Variants in CAST observed in about 807,000 individuals in gnomAD.
CAST encodes calpastatin, also known as MIR583 host.
CAST carries 76 observed loss-of-function variants against 119.6 expected under a neutral mutation model. The observed-to-expected ratio is 0.64, with a 90% CI of 0.53 to 0.77. The LOEUF (loss-of-function observed/expected upper bound fraction) is 0.77, where lower values mean the gene tolerates loss of function less well. Among genes scored for constraint, CAST ranks in the 30% least tolerant of loss-of-function variants. The pLI, the probability that CAST is intolerant of heterozygous loss-of-function variation, is 0.00. For missense variants in CAST, 953 were observed against 946.5 expected (o/e 1.01, Z -0.09); for synonymous variants, 319 against 331.6 (o/e 0.96, Z 0.41).
the CAST span, among the ~76,000 whole-genome samples, chr5:96,509,634 A>C: frequency 6.6e-6 from 1 of 152,222 alleles, no homozygotes; most frequent in Admixed American, 6.5e-5. Flanking sequence ...AACAGTCTGC[A>C]TTTCAGGAGA....
the CAST span, among the ~76,000 whole-genome samples, chr5:95,995,896 A>G: frequency 1.3e-5 from 2 of 152,150 alleles, no homozygotes; most frequent in Non-Finnish European, 2.9e-5. Context: ...CAGGGTGGCG[A>G]AAAGCCTAGG....
At chr5:96,109,055 G>A in the CAST span, among the ~76,000 whole-genome samples, 2 of 152,242 alleles carry the variant, frequency 1.3e-5, no homozygotes, top group South Asian at 4.1e-4. Flanking sequence ...CGCTTTCTGA[G>A]TGAGGCAATG....
At chr5:96,660,223 C>T (rs891237591), upstream of CAST, among the ~76,000 whole-genome samples, 5 of 152,166 alleles carry the variant, frequency 3.3e-5, no homozygotes, top group African/African-American at 1.2e-4. Context: ...CACACCTCAC[C>T]AGCTAGCCAG....
chr5:96,710,152 G>A (rs1454214121), intron 3 of CAST, among the ~76,000 whole-genome samples: 1 of 152,140 alleles, frequency 6.6e-6, no homozygotes, highest in Non-Finnish European at 1.5e-5. Flanking sequence ...AGCAATATTA[G>A]CATCAAAAAT....
the CAST span, among the ~76,000 whole-genome samples, chr5:96,466,317 G>A: frequency 6.6e-6 from 1 of 152,012 alleles, no homozygotes; most frequent in African/African-American, 2.4e-5. Context: ...TATTCCATTT[G>A]GGGTTGCTTC....
intron 2 of CAST, chr5:96,675,995 A>C (rs1750661989): frequency 6.3e-6 from 1 of 158,148 alleles, no homozygotes; most frequent in African/African-American, 2.4e-5. Flanking sequence ...CAGATTAACC[A>C]GTCCTTCAGA....
chr5:96,312,611 G>A, the CAST span, among the ~76,000 whole-genome samples: 1 of 152,060 alleles, frequency 6.6e-6, no homozygotes, highest in African/African-American at 2.4e-5. Flanking sequence ...ACTACTTAGT[G>A]TTAGTAGTTT....
At chr5:96,427,132 C>G in the CAST span, among the ~76,000 whole-genome samples, 1 of 152,258 alleles carries the variant, frequency 6.6e-6, no homozygotes, top group African/African-American at 2.4e-5. Context: ...TAAAGATAGA[C>G]TGTTGCTGCA....
intron 1 of CAST, among the ~76,000 whole-genome samples, chr5:96,609,635 T>C (rs1278024906): frequency 4.6e-5 from 7 of 152,202 alleles, no homozygotes; most frequent in Non-Finnish European, 1.0e-4. Context: ...AGAAACCTCT[T>C]TGATTTTAAT....
At chr5:96,148,436 T>A in the CAST span, among the ~76,000 whole-genome samples, 1 of 152,216 alleles carries the variant, frequency 6.6e-6, no homozygotes, top group African/African-American at 2.4e-5. Context: ...ATAATTAGAA[T>A]CTTCATAAGC....
chr5:96,772,352 T>TA (rs1423569886), intron 31 of CAST: 1 of 153,184 alleles, frequency 6.5e-6, no homozygotes, highest in Admixed American at 6.6e-5. Context: ...TACAAGCACT[T>TA]ACTGACCAAA....
At chr5:96,283,852 A>T in the CAST span, among the ~76,000 whole-genome samples, 1 of 152,232 alleles carries the variant, frequency 6.6e-6, no homozygotes, top group African/African-American at 2.4e-5. Context: ...ACAAACTGTT[A>T]GTAACGGAAG....
the CAST span, among the ~76,000 whole-genome samples, chr5:96,435,460 A>C: frequency 2.0e-5 from 3 of 152,222 alleles, no homozygotes; most frequent in African/African-American, 7.2e-5. Context: ...CATGCAGAAG[A>C]AATAAATTTC....
chr5:96,247,420 A>G, the CAST span, among the ~76,000 whole-genome samples: 1 of 152,212 alleles, frequency 6.6e-6, no homozygotes, highest in African/African-American at 2.4e-5. Context: ...ACAGGACTCT[A>G]AGTGGTTGGA....
chr5:96,644,961 G>A (rs1433390961), intron 1 of CAST, among the ~76,000 whole-genome samples: 1 of 152,172 alleles, frequency 6.6e-6, no homozygotes, highest in Non-Finnish European at 1.5e-5. Context: ...GGGTGACAGA[G>A]TGAGAGTGTC....
chr5:96,304,366 C>T, the CAST span, among the ~76,000 whole-genome samples: 3 of 152,076 alleles, frequency 2.0e-5, no homozygotes, highest in African/African-American at 7.2e-5. Flanking sequence ...GTCAGATGGA[C>T]AGATTACAAA....
chr5:96,553,097 GA>G (rs989454361), intron 1 of CAST, among the ~76,000 whole-genome samples: 44 of 152,114 alleles, frequency 2.9e-4, no homozygotes, highest in African/African-American at 9.9e-4. Flanking sequence ...GCTTGGCAGA[GA>G]CACAACAAAA....
At chr5:96,226,668 T>TA in the CAST span, among the ~76,000 whole-genome samples, 22 of 151,436 alleles carry the variant, frequency 1.5e-4, no homozygotes, top group Admixed American at 4.0e-4. Flanking sequence ...AAAAAAGATT[T>TA]AAAAAAAAAT....
At chr5:96,499,145 G>C in the CAST span, among the ~76,000 whole-genome samples, 2,353 of 151,928 alleles carry the variant, frequency 0.015, 66 homozygotes, top group African/African-American at 0.055. Context: ...ACCAGAAATA[G>C]TCCTCTTAAC....
Sources: allele counts gnomAD v4.1 joint callset (sites outside exome capture counted in the v4.1 genomes callset), GRCh38; gene constraint gnomAD v4.1.1; transcripts MANE v1.5; gene names NCBI Gene and HGNC (gene_info 2026-07-23, HGNC 2026-07-21).